The following TMOD2 variants were observed in gnomAD, a reference collection of about 807,000 sequenced individuals.
The protein encoded by TMOD2 is tropomodulin-2.
Under a neutral mutation model 39.9 loss-of-function variants are expected in TMOD2, and 22 were observed. That is an observed-to-expected ratio of 0.55 (90% CI 0.39 to 0.79). The LOEUF (loss-of-function observed/expected upper bound fraction) is 0.79, where lower values mean the gene tolerates loss of function less well. Ranked by LOEUF, TMOD2 falls within the 30% of genes least tolerant of loss-of-function variation. The pLI is 0.00. For synonymous variants in TMOD2, 123 were observed against 146.1 expected, an observed-to-expected ratio of 0.84 and a Z score of 1.14; for missense variants, 386 against 413.3, an observed-to-expected ratio of 0.93 and a Z score of 0.57.
chr15:51,813,241 C>G lies in TMOD2; in HGVS notation c.*4787C>G, dbSNP rs771713466. On this transcript the variant is annotated 3_prime_UTR_variant, in exon 10 of 10. Coordinates refer to ENST00000249700, the MANE Select transcript of TMOD2 (RefSeq NM_014548.4). ...TTTGCTCAGCTTATCTCTTTCCCAT[C>G]TGTCTGTAATAGCAATGACTGAATA... The G allele has an allele frequency of 6.6e-6, 1 of 152,236 alleles. No homozygotes were observed. The highest frequency in any genetic ancestry group is 1.9e-4 in the East Asian group (1 of 5,202). The allele number at this position is 152,236 out of a possible 1,614,324, so 9.4% of individuals were successfully genotyped here.
At position 51,798,359 on chromosome 15, in the gene TMOD2, T is replaced by C. The variant is rs1237036123; in HGVS notation, c.876+19T>C. On this transcript the variant is annotated intron_variant, in intron 8 of 9. Coordinates refer to ENST00000249700, the MANE Select transcript of TMOD2 (RefSeq NM_014548.4). ...CAACCAGGTAAGGAAGGCCAGAGAA[T>C]AGGCAAAGTCAACTCACAGGGTGTG... The C allele has an allele frequency of 3.1e-6, 5 of 1,612,656 alleles. No individual in the cohort carries two copies. Among genetic ancestry groups the C allele is most frequent in the South Asian group, 2.2e-5 (2 of 90,752 alleles).
intron 4 of TMOD2, among the ~76,000 whole-genome samples, chr15:51,776,330 A>C (rs980358035): frequency 1.3e-5 from 2 of 152,158 alleles, no homozygotes; most frequent in Non-Finnish European, 2.9e-5. Flanking sequence ...CCCCGCATTC[A>C]TTCTTCCCCA....
At position 51,777,076 on chromosome 15, in the gene TMOD2, T is replaced by TCCAA. The variant is rs1351585130; in HGVS notation, c.493+58_493+59insCCAA. ...GCTTTGGAGCCTCCAGAGTTGCTGG[T>TCCAA]AGGAGAGAGGCCTGTTGAGTCTTGC... is the stretch of plus-strand genomic sequence containing the variant. On this transcript the variant is annotated intron_variant, in intron 5 of 9. Coordinates refer to ENST00000249700, the MANE Select transcript of TMOD2 (RefSeq NM_014548.4). The TCCAA allele has an allele frequency of 1.6e-5, 23 of 1,451,970 alleles. No homozygotes were observed. The African/African-American group carries it at 2.9e-4, about 18-fold the overall frequency. 89.9% of individuals were successfully genotyped at this position (1,451,970 alleles called of 1,614,324 possible).
chr15:51,767,401 C>G (rs2055823372), intron 2 of TMOD2, among the ~76,000 whole-genome samples: 1 of 152,114 alleles, frequency 6.6e-6, no homozygotes, highest in African/African-American at 2.4e-5. Flanking sequence ...GAACTTATAA[C>G]AAAGAATAGA....
Position 51,806,475 on chromosome 15 carries a change from G to A in TMOD2, c.975G>A (p.Gly325=), listed in dbSNP as rs763283931. ...LKFGYQFTKQ[G]PRTRVAAAIT... ...TTGGATACCAGTTTACCAAGCAAGG[G>A]CCACGAACAAGGGTGGCAGCTGCCA... Residue 325 remains glycine (G), a synonymous_variant, in exon 9 of 10, where the codon GGG becomes GGA. Coordinates refer to ENST00000249700, the MANE Select transcript of TMOD2 (RefSeq NM_014548.4). 2 of 1,614,170 alleles carry A rather than the reference G, an allele frequency of 1.2e-6. No homozygotes were observed. Among genetic ancestry groups the A allele is most frequent in the South Asian group, 1.1e-5 (1 of 91,080 alleles).
intron 3 of TMOD2, among the ~76,000 whole-genome samples, chr15:51,772,376 T>C (rs997633493): frequency 2.0e-5 from 3 of 151,906 alleles, no homozygotes; most frequent in Non-Finnish European, 4.4e-5. Context: ...TGCTCTGGGG[T>C]GTTTTGATCA....
intron 7 of TMOD2, among the ~76,000 whole-genome samples, chr15:51,794,033 A>G (rs1389921706): frequency 6.6e-6 from 1 of 152,206 alleles, no homozygotes; most frequent in Non-Finnish European, 1.5e-5. Context: ...CCTGACCAAG[A>G]TACAGGATTA....
intron 8 of TMOD2, among the ~76,000 whole-genome samples, chr15:51,799,975 A>G (rs1860209160): frequency 6.6e-6 from 1 of 152,232 alleles, no homozygotes; most frequent in Non-Finnish European, 1.5e-5. Flanking sequence ...GTTCCTTACA[A>G]GATACCACCT....
At chr15:51,763,576 C>T (rs932046287) in intron 1 of TMOD2, among the ~76,000 whole-genome samples, 3 of 152,198 alleles carry the variant, frequency 2.0e-5, no homozygotes, top group African/African-American at 7.2e-5. Context: ...TAAACTCACT[C>T]TGTAATTATG....
chr15:51,768,557 G>A lies in TMOD2; in HGVS notation c.283+139G>A, dbSNP rs537839009. On this transcript the variant is annotated intron_variant, in intron 3 of 9. Coordinates refer to ENST00000249700, the MANE Select transcript of TMOD2 (RefSeq NM_014548.4). The stretch of plus-strand genomic sequence containing the variant: ...AGCAAGGGAACTGTCCCAGACATGG[G>A]AAATAAGCCCATGAATTGGATTCAG... 1.6e-3 allele frequency: 1,428 copies of A among 905,086 alleles called. 4 individuals carry two copies. Among genetic ancestry groups the A allele is most frequent in the Admixed American group, 2.3e-3 (77 of 34,214 alleles). The allele number at this position is 905,086 out of a possible 1,614,324, so 56.1% of individuals were successfully genotyped here. A position where few individuals can be genotyped will look rare whatever the true frequency, so the allele number is the denominator to read the frequency against.
At chr15:51,798,386 A>C in intron 8 of TMOD2, 46 bp downstream of exon 8, 1 of 1,599,458 alleles carries the variant, frequency 6.3e-7, no homozygotes, top group Non-Finnish European at 8.5e-7. Context: ...CAGGGTGTGC[A>C]GTGAGCGGGG....
At chr15:51,789,424 C>A (rs1213023970) in intron 7 of TMOD2, among the ~76,000 whole-genome samples, 1 of 152,198 alleles carries the variant, frequency 6.6e-6, no homozygotes, top group Non-Finnish European at 1.5e-5. Flanking sequence ...GACTTTAACA[C>A]CCCACTGTCA....
At chr15:51,765,369 G>A (rs898797878) in intron 1 of TMOD2, among the ~76,000 whole-genome samples, 1 of 152,170 alleles carries the variant, frequency 6.6e-6, no homozygotes, top group Non-Finnish European at 1.5e-5. Context: ...CTATTTGTGT[G>A]CCTGTCTCAC....
chr15:51,755,818 A>G (rs2055737987), intron 1 of TMOD2, among the ~76,000 whole-genome samples: 2 of 151,986 alleles, frequency 1.3e-5, no homozygotes, highest in East Asian at 3.9e-4. Context: ...CCTAGCTGGT[A>G]TAAAATGCCA....
intron 7 of TMOD2, 141 bp from the exon 8 acceptor site, chr15:51,798,056 G>A: frequency 1.5e-6 from 1 of 653,344 alleles, no homozygotes; most frequent in Non-Finnish European, 2.5e-6. Flanking sequence ...TTTGTTACTT[G>A]GAGGTGAAAG....
intron 4 of TMOD2, among the ~76,000 whole-genome samples, chr15:51,776,051 G>C (rs781577557): frequency 1.3e-5 from 2 of 152,126 alleles, no homozygotes; most frequent in Non-Finnish European, 1.5e-5. Flanking sequence ...AGTTTAACGT[G>C]GTCAGAGTCA....
Position 51,806,415 on chromosome 15 carries a change from C to G in TMOD2, c.915C>G (p.Ala305=). ...GAACAGCTGTAGAGATGGAAATTGC[C>G]CAGATGCTGGAGGAGAATTCAAGGA... ...QLGTAVEMEI[A]QMLEENSRIL... Residue 305 remains alanine (A), a synonymous_variant, in exon 9 of 10, where the codon GCC becomes GCG. Coordinates refer to ENST00000249700, the MANE Select transcript of TMOD2 (RefSeq NM_014548.4). 1.9e-6 allele frequency: 3 copies of G among 1,614,168 alleles called. No individual in the cohort carries two copies. The highest frequency in any genetic ancestry group is 2.5e-6 in the Non-Finnish European group (3 of 1,180,018).
At chr15:51,776,861 G>A in intron 4 of TMOD2, 71 bp from the exon 5 acceptor site, 1 of 1,248,400 alleles carries the variant, frequency 8.0e-7, no homozygotes, top group Non-Finnish European at 1.2e-6. Flanking sequence ...GTTCTTCAAG[G>A]GACAAATTAA....
In TMOD2 at chr15:51,808,745, G is replaced by C. The variant is rs1232603632; in HGVS notation, c.*291G>C. 2 of 293,412 alleles carry C rather than the reference G, an allele frequency of 6.8e-6. No individual in the cohort carries two copies. The highest frequency in any genetic ancestry group is 6.4e-6 in the Non-Finnish European group (1 of 156,830). 18.2% of individuals were successfully genotyped at this position (293,412 alleles called of 1,614,324 possible). ...AATTTAACCACTTTCTTATTGGGTT[G>C]TCTTGCTTTCTTACATGAACTTGTT... On this transcript the variant is annotated 3_prime_UTR_variant, in exon 10 of 10. Coordinates refer to ENST00000249700, the MANE Select transcript of TMOD2 (RefSeq NM_014548.4).
Sources: gnomAD v4.1 joint callset for allele counts (sites outside exome capture counted in the v4.1 genomes callset) on GRCh38, gnomAD v4.1.1 for gene constraint, MANE v1.5 for transcripts, NCBI Gene and HGNC (gene_info 2026-07-23, HGNC 2026-07-21) for gene names.